The following HIPK1 variants were observed in gnomAD, a reference collection of about 807,000 sequenced individuals.
HIPK1 encodes the protein homeodomain-interacting protein kinase 1.
Under a neutral mutation model 117.1 loss-of-function variants are expected in HIPK1, and 28 were observed. The observed-to-expected ratio is 0.24, with a 90% CI of 0.18 to 0.33. The LOEUF is 0.33. HIPK1 is among the 10% of genes least tolerant of loss of function. The pLI, the probability that HIPK1 is intolerant of heterozygous loss-of-function variation, is 1.00. For missense variants in HIPK1, 1,122 were observed against 1,475.1 expected, an observed-to-expected ratio of 0.76 and a Z score of 3.92; for synonymous variants, 605 against 562.5, an observed-to-expected ratio of 1.08 and a Z score of -1.07.
chr1:113,968,338 G>GT (rs1199232937), intron 12 of HIPK1, 104 bp from the exon 13 acceptor site: 1 of 831,474 alleles, frequency 1.2e-6, no homozygotes, highest in Admixed American at 1.8e-5. Flanking sequence ...TAATGATTAT[G>GT]TAAAAAGGAA....
rs1239465633 is a variant in HIPK1 at position 113,973,039 on chromosome 1, G to A, written c.3160G>A (p.Ala1054Thr). The change falls in exon 16 of 16, where the codon GCG (alanine) becomes ACG (threonine). Residue 1054 changes from alanine (A) to threonine (T), a missense_variant. Coordinates refer to ENST00000426820, the MANE Select transcript of HIPK1 (RefSeq NM_198268.3). ...LNLSQNQQSS[A>T]APTSQERSSN... is the part of the protein sequence containing the mutation. ...TTTCTTCCAGAACCAGCAGTCATCG[G>A]CGGCTCCAACCTCACAGGAGAGAAG... 1 of 1,515,760 alleles carries A rather than the reference G, an allele frequency of 6.6e-7. No homozygotes were observed. The highest frequency in any genetic ancestry group is 1.3e-5 in the South Asian group (1 of 74,938). 93.9% of individuals were successfully genotyped at this position (1,515,760 alleles called of 1,614,324 possible).
At chr1:113,963,661 A>C in intron 10 of HIPK1, 140 bp downstream of exon 10, 1 of 849,028 alleles carries the variant, frequency 1.2e-6, no homozygotes, top group Non-Finnish European at 1.8e-6. Context: ...TGCAGAGGGC[A>C]TGGAAGCATG....
intron 13 of HIPK1, 50 bp from the exon 14 acceptor site, chr1:113,969,906 C>T: frequency 6.2e-7 from 1 of 1,604,380 alleles, no homozygotes; most frequent in Non-Finnish European, 8.5e-7. Flanking sequence ...GACGCTGTCA[C>T]ACACACAAAA....
rs755763487 is a variant in HIPK1 at position 113,956,067 on chromosome 1, ATT to A, written c.1407+442_1407+443del. The stretch of plus-strand genomic sequence containing the variant: ...TCACTATTGCTTAGCTACTTGTTCC[ATT>A]TTTTTTTTTTTTTTTTTTTTTTTGA... On this transcript the variant is annotated intron_variant, in intron 5 of 15. Transcript: ENST00000426820. Among the ~76,000 whole-genome samples, 907 of 91,708 alleles carry A rather than the reference ATT, an allele frequency of 9.9e-3. 2 individuals carry two copies. The highest frequency in any genetic ancestry group is 0.013 in the Non-Finnish European group (636 of 48,458). 60.2% of individuals were successfully genotyped at this position (91,708 alleles called of 152,430 possible).
chr1:113,960,450 A>G (rs960749414), intron 8 of HIPK1, among the ~76,000 whole-genome samples: 6 of 152,218 alleles, frequency 3.9e-5, no homozygotes, highest in African/African-American at 1.2e-4. Context: ...CTGGTTGGCC[A>G]AAATAGATAA....
In HIPK1 at chr1:113,966,201, A is replaced by T. The variant is rs369408537; in HGVS notation, c.2310A>T (p.Leu770=). 2 of 1,614,140 alleles carry T rather than the reference A, an allele frequency of 1.2e-6. No individual in the cohort carries two copies. The highest frequency in any genetic ancestry group is 1.7e-6 in the Non-Finnish European group (2 of 1,180,006). ...GGCAACAGTTGCCTGGGGTAGCTCT[A>T]CACAACTCTGTCCAGCCCACAGCAA... ...STWQQLPGVA[L]HNSVQPTAMI... The change falls in exon 11 of 16, where the codon CTA becomes CTT. Residue 770 remains leucine (L), a synonymous_variant. Coordinates refer to ENST00000426820, the MANE Select transcript of HIPK1 (RefSeq NM_198268.3).
At chr1:113,945,128 C>G (rs1323119247) in intron 2 of HIPK1, among the ~76,000 whole-genome samples, 1 of 152,198 alleles carries the variant, frequency 6.6e-6, no homozygotes, top group Non-Finnish European at 1.5e-5. Context: ...GGATTACAGA[C>G]ATGAGCCACC....
intron 1 of HIPK1, among the ~76,000 whole-genome samples, chr1:113,935,201 C>A (rs373526176): frequency 2.0e-4 from 30 of 151,956 alleles, no homozygotes; most frequent in African/African-American, 6.5e-4. Context: ...TGAAGTAGGC[C>A]CCAGTGTCTG....
intron 1 of HIPK1, among the ~76,000 whole-genome samples, chr1:113,932,951 ATTGT>A (rs1669996213): frequency 6.6e-6 from 1 of 151,984 alleles, no homozygotes; most frequent in African/African-American, 2.4e-5. Context: ...TTGCTGGCAT[ATTGT>A]TTATGTTTCA....
intron 1 of HIPK1, among the ~76,000 whole-genome samples, chr1:113,934,488 C>T (rs1455212987): frequency 2.0e-5 from 3 of 152,098 alleles, no homozygotes; most frequent in Admixed American, 1.3e-4. Flanking sequence ...GCAATAAGTA[C>T]AAGTACCAAT....
intron 1 of HIPK1, among the ~76,000 whole-genome samples, chr1:113,938,503 T>A (rs1468706231): frequency 1.3e-5 from 2 of 152,152 alleles, no homozygotes; most frequent in East Asian, 3.8e-4. Flanking sequence ...CTGATTTGCA[T>A]TGTTTAAAAG....
At chr1:113,931,936 A>T (rs1018510357) in intron 1 of HIPK1, among the ~76,000 whole-genome samples, 1 of 152,194 alleles carries the variant, frequency 6.6e-6, no homozygotes, top group African/African-American at 2.4e-5. Flanking sequence ...AAAATTTACT[A>T]TTATTCCTCC....
chr1:113,971,816 T>C lies in HIPK1; in HGVS notation c.3014-8T>C, dbSNP rs890020159. On this transcript the variant is annotated splice_region_variant and splice_polypyrimidine_tract_variant and intron_variant, in intron 14 of 15. Coordinates refer to ENST00000426820, the MANE Select transcript of HIPK1 (RefSeq NM_198268.3). ...TACTCATAACTATTAAGCCTGGTGCTTTTTTAGGTCTCCTGAGCAATAAGA... is the reference window on the plus strand; with the variant it reads ...TACTCATAACTATTAAGCCTGGTGCCTTTTTAGGTCTCCTGAGCAATAAGA... The C allele has an allele frequency of 1.3e-6, 2 of 1,588,548 alleles. No homozygotes were observed. The highest frequency in any genetic ancestry group is 1.7e-6 in the Non-Finnish European group (2 of 1,172,266).
At chr1:113,958,369 G>T in intron 8 of HIPK1, 78 bp downstream of exon 8, 1 of 968,030 alleles carries the variant, frequency 1.0e-6, no homozygotes, top group South Asian at 1.6e-5. Flanking sequence ...GTTTAGTTCT[G>T]ATCTTTACAA....
chr1:113,941,101 C>T lies in HIPK1; in HGVS notation c.718C>T (p.Arg240Cys), dbSNP rs771132640. The change falls in exon 2 of 16, where the codon CGC (arginine) becomes TGC (cysteine). Residue 240 changes from arginine to cysteine, a missense_variant. By Grantham distance (180) the Arg-to-Cys change is radical (BLOSUM62 -3). Coordinates refer to ENST00000426820, the MANE Select transcript of HIPK1 (RefSeq NM_198268.3). This position sits in a 1 kb window ranked among gnomAD's most constrained non-coding sequence, Gnocchi z 4.9. The stretch of plus-strand genomic sequence containing the variant: ...ACAGATTGAAGTGAGCATCCTTTCC[C>T]GCCTAAGCAGTGAAAATGCTGATGA... ...QGQIEVSILSRLSSENADEYN... is the reference protein window; with the variant it reads ...QGQIEVSILSCLSSENADEYN... The T allele has an allele frequency of 1.7e-5, 28 of 1,614,208 alleles. No homozygotes were observed. Among genetic ancestry groups the T allele is most frequent in the East Asian group, 8.9e-5 (4 of 44,886 alleles).
At chr1:113,933,315 G>C (rs1284123965) in intron 1 of HIPK1, 1 of 424,994 alleles carries the variant, frequency 2.4e-6, no homozygotes, top group Non-Finnish European at 3.1e-6. Flanking sequence ...ACTAGGGCCA[G>C]AGAAGGCAAG....
intron 1 of HIPK1, among the ~76,000 whole-genome samples, chr1:113,936,756 A>G (rs1670277379): frequency 6.6e-6 from 1 of 152,198 alleles, no homozygotes. Context: ...TTGGTATTTC[A>G]TGAATTCTTT....
At position 113,929,520 on chromosome 1, in the gene HIPK1, C is replaced by A; in HGVS notation, c.-15C>A. The stretch of plus-strand genomic sequence containing the variant: ...TCGTCCTAGAGAGTCCATTCAGCTG[C>A]ACTTCCGCCTCAGTAGGTGTCATGG... On this transcript the variant is annotated 5_prime_UTR_variant, in exon 1 of 16. Coordinates refer to ENST00000426820, the MANE Select transcript of HIPK1 (RefSeq NM_198268.3). 7.8e-7 allele frequency: 1 copy of A among 1,288,990 alleles called. No individual in the cohort carries two copies. The highest frequency in any genetic ancestry group is 1.0e-6 in the Non-Finnish European group (1 of 988,600). The allele number at this position is 1,288,990 out of a possible 1,614,324, so 79.8% of individuals were successfully genotyped here. A position where few individuals can be genotyped will look rare whatever the true frequency, so the allele number is the denominator to read the frequency against.
At chr1:113,953,142 A>T (rs1671477202) in intron 3 of HIPK1, among the ~76,000 whole-genome samples, 1 of 152,190 alleles carries the variant, frequency 6.6e-6, no homozygotes, top group East Asian at 1.9e-4. Flanking sequence ...CTAGATCTGT[A>T]ATGATTTATT....
Sources: gnomAD v4.1 joint callset for allele counts (sites outside exome capture counted in the v4.1 genomes callset) on GRCh38, gnomAD v4.1.1 for gene constraint, Gnocchi (gnomAD v3.1) non-coding constraint, MANE v1.5 for transcripts, NCBI Gene and HGNC (gene_info 2026-07-23, HGNC 2026-07-21) for gene names.